Variants in AJAP1 observed in about 807,000 individuals in gnomAD.
The protein encoded by AJAP1 is adherens junction-associated protein 1.
Under a neutral mutation model 35.0 loss-of-function variants are expected in AJAP1, and 5 were observed. The observed-to-expected ratio is 0.14, with a 90% CI of 0.07 to 0.30. The LOEUF (loss-of-function observed/expected upper bound fraction) is 0.30. Among genes scored for constraint, AJAP1 ranks in the 10% least tolerant of loss-of-function variants. AJAP1 has a pLI of 1.00. For synonymous variants in AJAP1, 284 were observed against 249.3 expected, an observed-to-expected ratio of 1.14 and a Z score of -1.31; for missense variants, 586 against 571.0, an observed-to-expected ratio of 1.03 and a Z score of -0.27.
chr1:4,703,057 CCGGGCCTG>C (rs1371825974), intron 1 of AJAP1, among the ~76,000 whole-genome samples: 1 of 152,150 alleles, frequency 6.6e-6, no homozygotes, highest in Non-Finnish European at 1.5e-5. Flanking sequence ...CTGGACGTGT[CCGGGCCTG>C]TGATGATGAA....
rs1284394192 is a variant in AJAP1 at position 4,656,051 on chromosome 1, G to A, written c.29+597G>A. Reference sequence around the variant, plus strand: ...CCCGACGGGCGCTCACAGCTGGCGGGCAGCTGGGGCGGGAGAGCTGGGGTT... The same window carrying A: ...CCCGACGGGCGCTCACAGCTGGCGGACAGCTGGGGCGGGAGAGCTGGGGTT... On this transcript the variant is annotated intron_variant, in intron 1 of 5. Coordinates refer to ENST00000378191, the MANE Select transcript of AJAP1 (RefSeq NM_018836.4). The surrounding 1 kb of genome is among the most constrained non-coding windows in gnomAD (Gnocchi z 5.7). 6.6e-6 allele frequency among the ~76,000 whole-genome samples: 1 copy of A among 152,030 alleles called. No homozygotes were observed. The highest frequency in any genetic ancestry group is 1.5e-5 in the Non-Finnish European group (1 of 67,996).
intron 2 of AJAP1, among the ~76,000 whole-genome samples, chr1:4,736,890 A>G (rs1408249042): frequency 6.6e-6 from 1 of 152,174 alleles, no homozygotes. Context: ...TAGGACTCAG[A>G]CATGGGTCTC....
intron 2 of AJAP1, among the ~76,000 whole-genome samples, chr1:4,726,039 G>A (rs1263472822): frequency 2.6e-5 from 4 of 152,240 alleles, no homozygotes; most frequent in African/African-American, 9.6e-5. Context: ...ACCTGGGAGA[G>A]TGCCTCCCCT....
chr1:4,730,700 A>G (rs1420172393), intron 2 of AJAP1, among the ~76,000 whole-genome samples: 9 of 152,290 alleles, frequency 5.9e-5, no homozygotes, highest in Admixed American at 5.9e-4. Context: ...AACACCAGCC[A>G]TATCTGACCT....
chr1:4,685,814 C>T (rs1260184931), intron 1 of AJAP1, among the ~76,000 whole-genome samples: 1 of 152,198 alleles, frequency 6.6e-6, no homozygotes, highest in East Asian at 1.9e-4. Flanking sequence ...GTAGAATCTC[C>T]CCTCTGCCTC....
At chr1:4,716,536 GTGA>G (rs1442097071) in intron 2 of AJAP1, among the ~76,000 whole-genome samples, 1 of 152,010 alleles carries the variant, frequency 6.6e-6, no homozygotes, top group Non-Finnish European at 1.5e-5. Flanking sequence ...GGTGGTGATG[GTGA>G]TGATGGGGAT....
intron 1 of AJAP1, among the ~76,000 whole-genome samples, chr1:4,675,541 A>T (rs756193985): frequency 2.6e-5 from 4 of 152,164 alleles, no homozygotes; most frequent in African/African-American, 9.7e-5. Flanking sequence ...CATGTGGCCT[A>T]CCTCAGTGTC....
At chr1:4,658,970 G>A (rs1638942691) in intron 1 of AJAP1, among the ~76,000 whole-genome samples, 1 of 152,174 alleles carries the variant, frequency 6.6e-6, no homozygotes, top group African/African-American at 2.4e-5. Flanking sequence ...CTTCCACAGC[G>A]CCAGTCCCTC....
intron 2 of AJAP1, among the ~76,000 whole-genome samples, chr1:4,765,408 G>T (rs1236099215): frequency 6.6e-6 from 1 of 152,016 alleles, no homozygotes; most frequent in Non-Finnish European, 1.5e-5. Flanking sequence ...AGGTGTTCCT[G>T]CCCGAGGTAG....
chr1:4,673,567 G>C (rs1249553048), intron 1 of AJAP1, among the ~76,000 whole-genome samples: 1 of 152,130 alleles, frequency 6.6e-6, no homozygotes, highest in African/African-American at 2.4e-5. Context: ...CTCCAGCATG[G>C]GAGCCTCCAC....
chr1:4,665,573 G>A (rs933297710), intron 1 of AJAP1, among the ~76,000 whole-genome samples: 2 of 152,186 alleles, frequency 1.3e-5, no homozygotes, highest in Non-Finnish European at 2.9e-5. Context: ...CACCCCGACG[G>A]TCCCTGGGGA....
chr1:4,694,079 C>T lies in AJAP1; in HGVS notation c.30-17821C>T, dbSNP rs906886251. On this transcript the variant is annotated intron_variant, in intron 1 of 5. Coordinates refer to ENST00000378191, the MANE Select transcript of AJAP1 (RefSeq NM_018836.4). The stretch of plus-strand genomic sequence containing the variant: ...CCCCTGCACCTGCCCAGCACACCCC[C>T]AGGGCTGCTCCTGGTGGCCACTGGG... Among the ~76,000 whole-genome samples the T allele has an allele frequency of 7.2e-5, 11 of 152,208 alleles. No homozygotes were observed. In the East Asian group the frequency reaches 1.5e-3, roughly 21 times the overall value.
rs1570157865 is a variant in AJAP1 at position 4,723,624 on chromosome 1, G to T, written c.829+10925G>T. 1.3e-5 allele frequency among the ~76,000 whole-genome samples: 2 copies of T among 152,120 alleles called. No individual in the cohort carries two copies. The highest frequency in any genetic ancestry group is 4.1e-4 in the South Asian group (2 of 4,832). ...CTGCTGGAGACGTGGTGAGGGGAGA[G>T]TCCTGCGAGGGCGATGGAAGGGAGA... On this transcript the variant is annotated intron_variant, in intron 2 of 5. Coordinates refer to ENST00000378191, the MANE Select transcript of AJAP1 (RefSeq NM_018836.4). The surrounding 1 kb of genome is among the most constrained non-coding windows in gnomAD (Gnocchi z 4.3).
rs79842036 is a variant in AJAP1 at position 4,692,878 on chromosome 1, C to T, written c.30-19022C>T. Among the ~76,000 whole-genome samples, 7,222 of 152,340 alleles carry T rather than the reference C, an allele frequency of 0.047. 242 individuals carry two copies. The highest frequency in any genetic ancestry group is 0.071 in the Middle Eastern group (21 of 294). On this transcript the variant is annotated intron_variant, in intron 1 of 5. Coordinates refer to ENST00000378191, the MANE Select transcript of AJAP1 (RefSeq NM_018836.4). This position sits in a 1 kb window ranked among gnomAD's most constrained non-coding sequence, Gnocchi z 4.4. ...ACATTTTTCCAAGCTCAGCCCTGTG[C>T]TCTGTGCTGGAACTGGACAGGGAAG...
At chr1:4,679,046 T>G (rs1186954140) in intron 1 of AJAP1, among the ~76,000 whole-genome samples, 1 of 152,158 alleles carries the variant, frequency 6.6e-6, no homozygotes, top group African/African-American at 2.4e-5. Flanking sequence ...CCTTAACTGC[T>G]TCATCCTAGA....
intron 5 of AJAP1, 52 bp downstream of exon 5, chr1:4,774,610 C>T (rs1641906710): frequency 1.0e-6 from 1 of 1,004,074 alleles, no homozygotes; most frequent in South Asian, 1.4e-5. Context: ...CCTCCCCTCC[C>T]CACTGCCCTC....
chr1:4,774,086 A>G (rs1024324400), intron 4 of AJAP1, among the ~76,000 whole-genome samples: 17 of 152,258 alleles, frequency 1.1e-4, no homozygotes, highest in African/African-American at 3.6e-4. Flanking sequence ...CAAATCTGCC[A>G]TCAGAGGCAG....
In AJAP1 at chr1:4,655,476, G is replaced by C; in HGVS notation, c.29+22G>C. 6.4e-7 allele frequency: 1 copy of C among 1,563,256 alleles called. No individual in the cohort carries two copies. The highest frequency in any genetic ancestry group is 8.7e-7 in the Non-Finnish European group (1 of 1,153,908). On this transcript the variant is annotated intron_variant, in intron 1 of 5. Coordinates refer to ENST00000378191, the MANE Select transcript of AJAP1 (RefSeq NM_018836.4). The surrounding 1 kb of genome is among the most constrained non-coding windows in gnomAD (Gnocchi z 6.9). ...TCAGGTGAGCGACCCGGCCGGCGCC[G>C]GGTGCGTGTGGGCGCGTGGGTGCCA...
At chr1:4,740,578 G>T (rs1164314762) in intron 2 of AJAP1, among the ~76,000 whole-genome samples, 1 of 151,908 alleles carries the variant, frequency 6.6e-6, no homozygotes, top group East Asian at 1.9e-4. Context: ...AAGGTCAGGA[G>T]ATCGAGACCA....
Sources: gnomAD v4.1 joint callset for allele counts (sites outside exome capture counted in the v4.1 genomes callset) on GRCh38, gnomAD v4.1.1 for gene constraint, Gnocchi (gnomAD v3.1) non-coding constraint, MANE v1.5 for transcripts, NCBI Gene and HGNC (gene_info 2026-07-23, HGNC 2026-07-21) for gene names.